Variants in CUL1 observed in about 807,000 individuals in gnomAD.
CUL1 encodes cullin 1.
In CUL1, 24 loss-of-function variants were observed where a neutral mutation model predicts 118.0. The observed-to-expected ratio is 0.20, with a 90% confidence interval of 0.15 to 0.29. The LOEUF (loss-of-function observed/expected upper bound fraction) is 0.29, where lower values mean the gene tolerates loss of function less well. CUL1 is among the 10% of genes least tolerant of loss of function. CUL1 has a pLI of 1.00. For missense variants in CUL1, 361 were observed against 933.8 expected, an observed-to-expected ratio of 0.39 and a Z score of 7.99; for synonymous variants, 332 against 340.4, an observed-to-expected ratio of 0.98 and a Z score of 0.27.
intron 9 of CUL1, among the ~76,000 whole-genome samples, chr7:148,782,109 A>G (rs1343370067): frequency 6.6e-6 from 1 of 152,214 alleles, no homozygotes; most frequent in Non-Finnish European, 1.5e-5. Context: ...TAAATACTGT[A>G]ACAGAAGGAA....
At chr7:148,759,210 G>T (rs1799759578) in intron 4 of CUL1, 94 bp from the exon 5 acceptor site, 3 of 1,240,506 alleles carry the variant, frequency 2.4e-6, no homozygotes, top group Admixed American at 3.8e-5. Flanking sequence ...TAGAAATTTT[G>T]ATAAAGTAAT....
chr7:148,699,965 T>G (rs1191311996), intron 1 of CUL1, among the ~76,000 whole-genome samples: 1 of 152,268 alleles, frequency 6.6e-6, no homozygotes, highest in East Asian at 1.9e-4. Context: ...CGTGCAGTAT[T>G]GTGTAGCGCA....
intron 2 of CUL1, among the ~76,000 whole-genome samples, chr7:148,745,083 A>T (rs1799268934): frequency 6.6e-6 from 1 of 151,446 alleles, no homozygotes; most frequent in Non-Finnish European, 1.5e-5. Context: ...TCAAGAGTTG[A>T]TCGTTTCTGT....
At chr7:148,753,953 G>C (rs759326653) in intron 2 of CUL1, 23 bp from the exon 3 acceptor site, 12 of 1,556,018 alleles carry the variant, frequency 7.7e-6, no homozygotes, top group Non-Finnish European at 1.0e-5. Flanking sequence ...GATATATGTT[G>C]GTTTCCTTAA....
At chr7:148,702,419 T>C (rs1341411611) in intron 1 of CUL1, among the ~76,000 whole-genome samples, 1 of 152,202 alleles carries the variant, frequency 6.6e-6, no homozygotes, top group Non-Finnish European at 1.5e-5. Flanking sequence ...ATTGACACTG[T>C]TGATTTCCTT....
intron 9 of CUL1, among the ~76,000 whole-genome samples, chr7:148,768,592 C>T (rs1800088992): frequency 6.6e-6 from 1 of 151,976 alleles, no homozygotes; most frequent in South Asian, 2.1e-4. Context: ...GCTGTGTTGG[C>T]CAGGCTGGTC....
intron 2 of CUL1, among the ~76,000 whole-genome samples, chr7:148,752,809 C>T (rs1030333208): frequency 1.6e-4 from 24 of 152,252 alleles, no homozygotes; most frequent in African/African-American, 5.1e-4. Flanking sequence ...CCACCACGCC[C>T]GGCTAATTTT....
At chr7:148,702,932 C>T (rs1206882899) in intron 1 of CUL1, among the ~76,000 whole-genome samples, 1 of 152,208 alleles carries the variant, frequency 6.6e-6, no homozygotes, top group Non-Finnish European at 1.5e-5. Flanking sequence ...CATCCTTCCA[C>T]TGGAAATCTT....
intron 9 of CUL1, among the ~76,000 whole-genome samples, chr7:148,780,736 C>T (rs538995489): frequency 6.6e-6 from 1 of 152,234 alleles, no homozygotes; most frequent in African/African-American, 2.4e-5. Flanking sequence ...GGGAGATGTC[C>T]TGTTTCTTAC....
intron 2 of CUL1, among the ~76,000 whole-genome samples, chr7:148,737,945 A>G (rs890942303): frequency 2.6e-5 from 4 of 152,132 alleles, no homozygotes; most frequent in African/African-American, 7.2e-5. Context: ...GAGTCTTTCC[A>G]TGTGATTTTA....
chr7:148,751,487 A>G (rs1256188002), intron 2 of CUL1, among the ~76,000 whole-genome samples: 1 of 143,034 alleles, frequency 7.0e-6, no homozygotes, highest in Non-Finnish European at 1.5e-5. Context: ...GTGAGCCGAG[A>G]TTACATCACT....
chr7:148,780,663 G>A lies in CUL1; in HGVS notation c.1084-3120G>A, dbSNP rs191413164. On this transcript the variant is annotated intron_variant, in intron 9 of 21. Transcript: ENST00000325222. ...GTTTGGTGTGGATGTGAATGTGTCC[G>A]TCCTAGGTATAACAACAACTGAAAT... Among the ~76,000 whole-genome samples the A allele has an allele frequency of 5.8e-3, 877 of 152,332 alleles. 35 individuals carry two copies. Among genetic ancestry groups the A allele is most frequent in the Admixed American group, 0.052 (796 of 15,304 alleles).
chr7:148,701,216 T>G lies in CUL1; in HGVS notation c.-162+2187T>G, dbSNP rs188976784. ...AACGTTTGAAAACATGCGCTGATTT[T>G]TGGCTACAGAAAACACAGTCGTTGT... On this transcript the variant is annotated intron_variant, in intron 1 of 21. Coordinates refer to ENST00000325222, the MANE Select transcript of CUL1 (RefSeq NM_003592.3). 1.5e-3 allele frequency among the ~76,000 whole-genome samples: 226 copies of G among 152,282 alleles called. 3 individuals are homozygous for G. The East Asian group carries it at 0.037, about 25-fold the overall frequency.
chr7:148,790,296 G>A lies in CUL1; in HGVS notation c.1675-14G>A. On this transcript the variant is annotated splice_polypyrimidine_tract_variant and intron_variant, in intron 15 of 21. Transcript: ENST00000325222. ...TGAGATCTGTATTCCATATAATGCT[G>A]TCCTTTTATCTAGTTGGAACGTAGT... 1 of 1,613,950 alleles carries A rather than the reference G, an allele frequency of 6.2e-7. No homozygotes were observed.
intron 16 of CUL1, among the ~76,000 whole-genome samples, chr7:148,790,763 T>C (rs1253783713): frequency 2.0e-5 from 3 of 152,338 alleles, no homozygotes; most frequent in Middle Eastern, 3.4e-3. Context: ...CTGACACACA[T>C]CAGCTGTTCA....
intron 1 of CUL1, among the ~76,000 whole-genome samples, chr7:148,712,680 C>T (rs560824021): frequency 2.0e-5 from 3 of 152,292 alleles, no homozygotes; most frequent in East Asian, 1.9e-4. Flanking sequence ...ATTTTCGTAA[C>T]TCACTTATTC....
In CUL1 at chr7:148,767,725, A is replaced by G. The variant is rs752839476; in HGVS notation, c.1059A>G (p.Glu353=). The part of the protein sequence containing the change: ...HIHNQGLAAI[E]KCGEAALNDP... Reference sequence around the variant, plus strand: ...ATAATCAGGGTCTTGCAGCCATTGAAAAGTGTGGAGAAGCTGCTTTAAATG... The same window carrying G: ...ATAATCAGGGTCTTGCAGCCATTGAGAAGTGTGGAGAAGCTGCTTTAAATG... Residue 353 remains glutamate, a synonymous_variant, in exon 9 of 22, where the codon GAA becomes GAG. Coordinates refer to ENST00000325222, the MANE Select transcript of CUL1 (RefSeq NM_003592.3). 1.2e-6 allele frequency: 2 copies of G among 1,613,920 alleles called. No homozygotes were observed. The highest frequency in any genetic ancestry group is 1.7e-6 in the Non-Finnish European group (2 of 1,179,936).
Position 148,746,095 on chromosome 7 carries a change from G to C in CUL1, c.141-7881G>C, listed in dbSNP as rs1009699103. On this transcript the variant is annotated intron_variant, in intron 2 of 21. Transcript: ENST00000325222. ...TTTGTGAGGCCCCTTGCCTGTGTGT[G>C]TGTGAGGTCCTCTCTGAGGGGTGGG... is the stretch of plus-strand genomic sequence containing the variant. Among the ~76,000 whole-genome samples, 4 of 151,900 alleles carry C rather than the reference G, an allele frequency of 2.6e-5. No homozygotes were observed. The East Asian group carries it at 7.8e-4, about 29-fold the overall frequency.
rs979746459 is a variant in CUL1, at chr7:148,743,931, A to AT, written c.141-10037dup. ...AGCAAGACTCCATCTCAAAAAACAA[A>AT]TTTTTTTTCATATATTTTGAAACTC... On this transcript the variant is annotated intron_variant, in intron 2 of 21. Coordinates refer to ENST00000325222, the MANE Select transcript of CUL1 (RefSeq NM_003592.3). Among the ~76,000 whole-genome samples, 11 of 152,124 alleles carry AT rather than the reference A, an allele frequency of 7.2e-5. No individual in the cohort carries two copies. In the South Asian group the frequency reaches 1.0e-3, roughly 14 times the overall value.
Sources: gnomAD v4.1 joint callset for allele counts (sites outside exome capture counted in the v4.1 genomes callset) on GRCh38, gnomAD v4.1.1 for gene constraint, MANE v1.5 for transcripts, NCBI Gene and HGNC (gene_info 2026-07-23, HGNC 2026-07-21) for gene names.